The following C12orf42 variants were observed in gnomAD, a reference collection of about 807,000 sequenced individuals.
C12orf42 encodes chromosome 12 open reading frame 42.
Under a neutral mutation model 21.6 loss-of-function variants are expected in C12orf42, and 25 were observed. The ratio of observed to expected loss-of-function variants is 1.16; its 90% confidence interval spans 0.84 to 1.62. The LOEUF (loss-of-function observed/expected upper bound fraction) is 1.62. C12orf42 is among the 40% of genes most tolerant of loss of function. The pLI is 0.00. For synonymous variants in C12orf42, 174 were observed against 175.0 expected (o/e 0.99, Z 0.05); for missense variants, 483 against 459.3 (o/e 1.05, Z -0.47).
At chr12:103,129,352 G>T in the C12orf42 span, among the ~76,000 whole-genome samples, 1 of 152,158 alleles carries the variant, frequency 6.6e-6, no homozygotes, top group African/African-American at 2.4e-5. Flanking sequence ...TGACGTCAGG[G>T]CCTGTTGACC....
the C12orf42 span, among the ~76,000 whole-genome samples, chr12:103,059,529 G>A: frequency 6.6e-6 from 1 of 152,116 alleles, no homozygotes; most frequent in South Asian, 2.1e-4. Context: ...AACGAAAAAA[G>A]AAAACTTCAG....
chr12:103,246,480 T>C (rs1351068005), intron 10 of C12orf42, among the ~76,000 whole-genome samples: 1 of 152,046 alleles, frequency 6.6e-6, no homozygotes, highest in Non-Finnish European at 1.5e-5. Flanking sequence ...TCAAATGATC[T>C]TATGCCATAT....
At chr12:103,296,135 T>C (rs1195081145) in intron 4 of C12orf42, among the ~76,000 whole-genome samples, 2 of 151,668 alleles carry the variant, frequency 1.3e-5, no homozygotes, top group Non-Finnish European at 2.9e-5. Context: ...GTCCTTGTGA[T>C]AGTTTGCTGA....
At chr12:103,413,150 G>C (rs10400501) in intron 2 of C12orf42, among the ~76,000 whole-genome samples, 25,674 of 152,106 alleles carry the variant, frequency 0.17, 2,411 homozygotes, top group African/African-American at 0.26. Context: ...GTGAAAGCTG[G>C]TGAAAGTATC....
At chr12:103,215,479 A>C in the C12orf42 span, among the ~76,000 whole-genome samples, 6 of 152,154 alleles carry the variant, frequency 3.9e-5, no homozygotes, top group Admixed American at 3.9e-4. Flanking sequence ...TCCACAGAGA[A>C]GGAATGAGTA....
At chr12:103,470,851 C>T (rs1454653756) in intron 2 of C12orf42, among the ~76,000 whole-genome samples, 12 of 152,078 alleles carry the variant, frequency 7.9e-5, no homozygotes, top group Non-Finnish European at 1.8e-4. Flanking sequence ...AGCCCAGGTG[C>T]CAAACATGTG....
intron 3 of C12orf42, among the ~76,000 whole-genome samples, chr12:103,369,356 A>C (rs182782905): frequency 1.5e-3 from 226 of 152,170 alleles, no homozygotes; most frequent in Admixed American, 3.5e-3. Context: ...ACAAAAAAAA[A>C]CAAATATATC....
rs1180240669 is a variant in C12orf42, at chr12:103,320,896, T to TA, written c.260-14552dup. Reference sequence around the variant, plus strand: ...ATGTCTTAGGTGAGTATACCTTTTTTAAAAAAAAATAGTTGTAAGTTATTA... The same window carrying TA: ...ATGTCTTAGGTGAGTATACCTTTTTTAAAAAAAAAATAGTTGTAAGTTATTA... On this transcript the variant is annotated intron_variant, in intron 4 of 5. Transcript: ENST00000548883. Among the ~76,000 whole-genome samples the TA allele has an allele frequency of 2.2e-3, 337 of 151,732 alleles. 1 individual carries two copies. The highest frequency in any genetic ancestry group is 7.7e-3 in the African/African-American group (317 of 41,386).
chr12:103,536,393 G>A, the C12orf42 span, among the ~76,000 whole-genome samples: 1 of 151,868 alleles, frequency 6.6e-6, no homozygotes, highest in East Asian at 1.9e-4. Context: ...AAACAGAACT[G>A]GGCTGAGATT....
At chr12:103,066,862 C>T in the C12orf42 span, among the ~76,000 whole-genome samples, 1 of 152,172 alleles carries the variant, frequency 6.6e-6, no homozygotes, top group Non-Finnish European at 1.5e-5. Flanking sequence ...TTTTAATAGT[C>T]AAGGGGATAA....
At chr12:103,250,544 A>G (rs991796618) in intron 10 of C12orf42, among the ~76,000 whole-genome samples, 4 of 152,138 alleles carry the variant, frequency 2.6e-5, no homozygotes, top group Non-Finnish European at 4.4e-5. Context: ...AAGGGAAACA[A>G]TGAATGTCCA....
At chr12:103,055,401 T>C in the C12orf42 span, among the ~76,000 whole-genome samples, 5 of 151,890 alleles carry the variant, frequency 3.3e-5, no homozygotes, top group Admixed American at 6.6e-5. Flanking sequence ...GGGTCTGTGA[T>C]AATATCCCAT....
At chr12:103,546,329 G>A in the C12orf42 span, among the ~76,000 whole-genome samples, 2 of 152,192 alleles carry the variant, frequency 1.3e-5, no homozygotes, top group Non-Finnish European at 2.9e-5. Flanking sequence ...GAGCTCGAGT[G>A]TCTGGACAAA....
intron 4 of C12orf42, among the ~76,000 whole-genome samples, chr12:103,307,379 T>C (rs1566049097): frequency 2.6e-5 from 4 of 152,298 alleles, no homozygotes; most frequent in Admixed American, 2.6e-4. Flanking sequence ...ACCACCCACA[T>C]TGATTCTTAT....
intron 2 of C12orf42, among the ~76,000 whole-genome samples, chr12:103,432,885 C>A (rs1242853373): frequency 6.6e-6 from 1 of 152,142 alleles, no homozygotes; most frequent in Non-Finnish European, 1.5e-5. Flanking sequence ...GGACTCCCAG[C>A]CTCCAAAACT....
At chr12:103,498,815 G>A (rs1356453215), upstream of C12orf42, among the ~76,000 whole-genome samples, 2 of 122,832 alleles carry the variant, frequency 1.6e-5, no homozygotes, top group African/African-American at 3.1e-5. Context: ...AATGGAAGCT[G>A]AACAATGAGA....
chr12:103,177,900 T>C, the C12orf42 span, among the ~76,000 whole-genome samples: 1 of 152,104 alleles, frequency 6.6e-6, no homozygotes, highest in African/African-American at 2.4e-5. Flanking sequence ...GCAGTGCATC[T>C]CTTAGCCTCA....
the C12orf42 span, among the ~76,000 whole-genome samples, chr12:103,075,544 A>G: frequency 6.6e-6 from 1 of 152,236 alleles, no homozygotes; most frequent in African/African-American, 2.4e-5. Context: ...ACCATAGATC[A>G]TATTTCAATT....
At chr12:103,454,503 C>T (rs1332417224) in intron 2 of C12orf42, among the ~76,000 whole-genome samples, 2 of 152,054 alleles carry the variant, frequency 1.3e-5, no homozygotes, top group African/African-American at 4.8e-5. Flanking sequence ...CTATTCCCAC[C>T]AGCCAAAAAT....
Sources: gnomAD v4.1 joint callset for allele counts (sites outside exome capture counted in the v4.1 genomes callset) on GRCh38, gnomAD v4.1.1 for gene constraint, MANE v1.5 for transcripts, NCBI Gene and HGNC (gene_info 2026-07-23, HGNC 2026-07-21) for gene names.